Variants in HSF4 observed in about 807,000 individuals in gnomAD.
HSF4 encodes the protein heat shock factor protein 4.
A neutral mutation model predicts 52.0 loss-of-function variants in HSF4; 41 were observed. The observed-to-expected ratio is 0.79, with a 90% CI of 0.61 to 1.02. The LOEUF (loss-of-function observed/expected upper bound fraction) is 1.02. Among genes scored for constraint, HSF4 ranks in the 50% least tolerant of loss-of-function variants. The probability of loss-of-function intolerance (pLI) is 0.00; values close to 1 mark genes in which losing one functional copy is unlikely to be tolerated. For synonymous variants in HSF4, 285 were observed against 273.0 expected (o/e 1.04, Z -0.43); for missense variants, 610 against 651.1 (o/e 0.94, Z 0.69).
At chr16:67,164,723 C>T (rs1597236523), upstream of HSF4, 3 of 1,440,636 alleles carry the variant, frequency 2.1e-6, no homozygotes, top group East Asian at 2.7e-5. Context: ...CGGAGTAGGG[C>T]GGAGCGGGCG....
In HSF4 at chr16:67,167,481, C is replaced by G; in HGVS notation, c.736C>G (p.Pro246Ala). ...CCTAGCCTTCTACTTACAGCCTCTC[C>G]CAGAGACAAATTTGGGCCTTAGCCC... The part of the protein sequence containing the change: ...QDPYFIQSPL[P>A]ETNLGLSPHR... The change falls in exon 8 of 13, where the codon CCA becomes GCA. Residue 246 changes from proline (P) to alanine (A), a missense_variant. Transcript: ENST00000521374. 6.2e-7 allele frequency: 1 copy of G among 1,613,838 alleles called. No individual in the cohort carries two copies. Among genetic ancestry groups the G allele is most frequent in the South Asian group, 1.1e-5 (1 of 91,092 alleles).
chr16:67,164,909 C>G lies in HSF4; in HGVS notation c.98C>G (p.Thr33Arg). The G allele has an allele frequency of 6.2e-7, 1 of 1,608,164 alleles. No homozygotes were observed. The highest frequency in any genetic ancestry group is 1.7e-4 in the Middle Eastern group (1 of 5,834). ...TGGGCGCTGGTGGGGGACCCAGGCA[C>G]AGACCACCTGATCCGCTGGAGCCCG... ...KLWALVGDPG[T>R]DHLIRWSPSG... is the part of the protein sequence containing the mutation. Residue 33 changes from threonine (T) to arginine (R), a missense_variant, in exon 1 of 13, where the codon ACA becomes AGA. By Grantham distance (71) the Thr-to-Arg change is moderately conservative. Transcript: ENST00000521374.
chr16:67,166,979 G>C (rs1379426049), intron 6 of HSF4, 141 bp from the exon 7 acceptor site: 2 of 1,164,318 alleles, frequency 1.7e-6, no homozygotes, highest in Admixed American at 1.9e-5. Flanking sequence ...TCCACCTCCA[G>C]CATGTGACTG....
At chr16:67,167,685 T>C (rs1442816922) in intron 8 of HSF4, 35 bp from the exon 9 acceptor site, 2 of 1,611,932 alleles carry the variant, frequency 1.2e-6, no homozygotes, top group African/African-American at 2.7e-5. Context: ...GAGAAGTCAG[T>C]GCCAGGGTCT....
intron 6 of HSF4, 81 bp from the exon 7 acceptor site, chr16:67,167,039 A>C (rs2031355246): frequency 3.2e-6 from 5 of 1,586,298 alleles, no homozygotes; most frequent in Non-Finnish European, 3.5e-6. Flanking sequence ...CTGGGGCCTG[A>C]GGGAGGGAGG....
chr16:67,166,064 T>A lies in HSF4; in HGVS notation c.479T>A (p.Leu160His). The change falls in exon 4 of 13, where the codon CTC becomes CAC. Residue 160 changes from leucine (L) to histidine (H), a missense_variant. Leu to His is a moderately conservative substitution (Grantham distance 99). Coordinates refer to ENST00000521374, the MANE Select transcript of HSF4 (RefSeq NM_001374675.1). ...QESTEARLRELRQQNEILWRE... is the reference protein window; with the variant it reads ...QESTEARLREHRQQNEILWRE... ...AGCACCGAGGCGCGGCTGCGGGAGC[T>A]CAGGCAGTGCGGGGGCGGGCGGGGA... 1 of 1,463,302 alleles carries A rather than the reference T, an allele frequency of 6.8e-7. No individual in the cohort carries two copies. 90.6% of individuals were successfully genotyped at this position (1,463,302 alleles called of 1,614,324 possible).
chr16:67,166,108 G>T, intron 4 of HSF4, 38 bp downstream of exon 4: 1 of 1,496,484 alleles, frequency 6.7e-7, no homozygotes, highest in Non-Finnish European at 9.0e-7. Flanking sequence ...ACAGGGGTGG[G>T]GGGTTCGGGA....
chr16:67,166,595 C>T lies in HSF4; in HGVS notation c.599C>T (p.Pro200Leu), dbSNP rs751639850. 21 of 1,613,820 alleles carry T rather than the reference C, an allele frequency of 1.3e-5. No individual in the cohort carries two copies. Among genetic ancestry groups the T allele is most frequent in the African/African-American group, 2.7e-5 (2 of 74,876 alleles). Residue 200 changes from proline (P) to leucine (L), a missense_variant, in exon 6 of 13, where the codon CCG becomes CTG. Physicochemically the swap from Pro to Leu is moderately conservative, Grantham distance 98. Transcript: ENST00000521374. ...QCLFGPLQAG[P>L]SNAGGKRKLS... ...CTCTTTGGGCCACTTCAGGCGGGGC[C>T]GAGCAATGCAGGAGGCAAGAGAAAG...
chr16:67,164,625 C>G (rs1041731818), upstream of HSF4: 91 of 605,504 alleles, frequency 1.5e-4, no homozygotes, highest in African/African-American at 1.4e-3. Flanking sequence ...ATCCAGCCAG[C>G]CTTTTCTGCC....
At position 67,169,761 on chromosome 16, in the gene HSF4, C is replaced by A; in HGVS notation, c.1455C>A (p.Gly485=). The part of the protein sequence containing the change: ...TPESRTASYL[G]PEASPSP ...AGAGCCGGACTGCCTCCTACTTGGG[C>A]CCGGAAGCCAGTCCCTCCCCCTAAG... is the stretch of plus-strand genomic sequence containing the variant. The change falls in exon 13 of 13, where the codon GGC becomes GGA. Residue 485 remains glycine, a synonymous_variant. Coordinates refer to ENST00000521374, the MANE Select transcript of HSF4 (RefSeq NM_001374675.1). The surrounding 1 kb of genome is among the most constrained non-coding windows in gnomAD (Gnocchi z 4.3). 1.2e-6 allele frequency: 2 copies of A among 1,613,020 alleles called. No individual in the cohort carries two copies. The highest frequency in any genetic ancestry group is 1.7e-6 in the Non-Finnish European group (2 of 1,179,990).
intron 9 of HSF4, 145 bp from the exon 10 acceptor site, chr16:67,168,685 TG>T (rs1264172763): frequency 7.7e-6 from 5 of 652,736 alleles, no homozygotes; most frequent in Non-Finnish European, 1.3e-5. Flanking sequence ...ATGGCAGGAG[TG>T]GGGAGGTTGG....
In HSF4 at chr16:67,169,506, G is replaced by T. The variant is rs2031591328; in HGVS notation, c.1325-125G>T. 1 of 1,587,344 alleles carries T rather than the reference G, an allele frequency of 6.3e-7. No homozygotes were observed. The highest frequency in any genetic ancestry group is 2.3e-5 in the East Asian group (1 of 44,028). ...CACCCATGCCCTCACCATTGGGCGA[G>T]AGTGGGGAGGTTAAGAATGGATGTT... On this transcript the variant is annotated intron_variant, in intron 12 of 12. Transcript: ENST00000521374. The surrounding 1 kb of genome is among the most constrained non-coding windows in gnomAD (Gnocchi z 4.3).
In HSF4 at chr16:67,165,989, A is replaced by G; in HGVS notation, c.404A>G (p.Asp135Gly). ...RGDDGRWRPE[D>G]LGRLLGEVQA... ...GACGACGGCCGCTGGCGCCCGGAGG[A>G]CCTGGGTCGACTACTGGGCGAGGTG... Residue 135 changes from aspartate to glycine, a missense_variant, in exon 4 of 13, where the codon GAC becomes GGC. Transcript: ENST00000521374. The surrounding 1 kb of genome is among the most constrained non-coding windows in gnomAD (Gnocchi z 6.9). The G allele has an allele frequency of 6.5e-7, 1 of 1,547,238 alleles. No homozygotes were observed. The highest frequency in any genetic ancestry group is 8.7e-7 in the Non-Finnish European group (1 of 1,154,810).
chr16:67,165,524 C>G lies in HSF4; in HGVS notation c.126C>G (p.Ser42Arg), dbSNP rs1567668206. 1 of 1,612,894 alleles carries G rather than the reference C, an allele frequency of 6.2e-7. No homozygotes were observed. The highest frequency in any genetic ancestry group is 1.1e-5 in the South Asian group (1 of 91,082). The part of the protein sequence containing the change: ...GTDHLIRWSP[S>R]GTSFLVSDQS... ...TGGGCGGGCGGCGTTCTTGGTAGAG[C>G]GGGACCAGTTTCCTCGTAAGCGACC... The change falls in exon 2 of 13, where the codon AGC becomes AGG. Residue 42 changes from serine (S) to arginine (R), a missense_variant and splice_region_variant. Transcript: ENST00000521374. The surrounding 1 kb of genome is among the most constrained non-coding windows in gnomAD (Gnocchi z 6.9).
Position 67,165,536 on chromosome 16 carries a change from C to T in HSF4, c.138C>T (p.Phe46=), listed in dbSNP as rs202194207. ...GTTCTTGGTAGAGCGGGACCAGTTT[C>T]CTCGTAAGCGACCAGAGCCGTTTCG... is the stretch of plus-strand genomic sequence containing the variant. ...LIRWSPSGTS[F]LVSDQSRFAK... Residue 46 remains phenylalanine, a synonymous_variant, in exon 2 of 13, where the codon TTC becomes TTT. Transcript: ENST00000521374. The surrounding 1 kb of genome is among the most constrained non-coding windows in gnomAD (Gnocchi z 6.9). The T allele has an allele frequency of 6.7e-5, 108 of 1,612,766 alleles. No individual in the cohort carries two copies. The highest frequency in any genetic ancestry group is 8.6e-5 in the Non-Finnish European group (101 of 1,179,854).
chr16:67,164,089 C>A, upstream of HSF4: 1 of 689,588 alleles, frequency 1.5e-6, no homozygotes, highest in Non-Finnish European at 2.6e-6. Context: ...GACTCTGCAG[C>A]TCCGCGGCCC....
Position 67,165,368 on chromosome 16 carries a change from C to G in HSF4, c.124-154C>G. The G allele has an allele frequency of 1.4e-6, 1 of 722,404 alleles. No individual in the cohort carries two copies. The highest frequency in any genetic ancestry group is 2.4e-6 in the Non-Finnish European group (1 of 418,738). The allele number at this position is 722,404 out of a possible 1,614,324, so 44.7% of individuals were successfully genotyped here. ...GGCTAGGCCTCGGAGCCCGTTCTGG[C>G]CTGGCCTCGACCCATATCCCCGTAA... On this transcript the variant is annotated intron_variant, in intron 1 of 12. Transcript: ENST00000521374. This position sits in a 1 kb window ranked among gnomAD's most constrained non-coding sequence, Gnocchi z 6.9.
rs571898873 is a variant in HSF4 at position 67,165,451 on chromosome 16, C to A, written c.124-71C>A. On this transcript the variant is annotated intron_variant, in intron 1 of 12. Transcript: ENST00000521374. This position sits in a 1 kb window ranked among gnomAD's most constrained non-coding sequence, Gnocchi z 6.9. Reference sequence around the variant, plus strand: ...TGTGTGCGCGCGCTGGAGCGCAGGACTGGCCGTGAGCGGGCACCGCTCACC... The same window carrying A: ...TGTGTGCGCGCGCTGGAGCGCAGGAATGGCCGTGAGCGGGCACCGCTCACC... The A allele has an allele frequency of 2.2e-6, 3 of 1,370,532 alleles. No homozygotes were observed. The highest frequency in any genetic ancestry group is 2.3e-5 in the East Asian group (1 of 43,720). The allele number at this position is 1,370,532 out of a possible 1,614,324, so 84.9% of individuals were successfully genotyped here. A position where few individuals can be genotyped will look rare whatever the true frequency, so the allele number is the denominator to read the frequency against.
In HSF4 at chr16:67,167,116, A is replaced by G; in HGVS notation, c.627-4A>G. The G allele has an allele frequency of 6.2e-7, 1 of 1,613,994 alleles. No homozygotes were observed. Among genetic ancestry groups the G allele is most frequent in the Non-Finnish European group, 8.5e-7 (1 of 1,179,950 alleles). On this transcript the variant is annotated splice_region_variant and splice_polypyrimidine_tract_variant and intron_variant, in intron 6 of 12. Transcript: ENST00000521374. ...CCCTGCCTGTGCCCTGATCGACCAC[A>G]CAGGTCCCTGATGCTGGATGAGGGG...
Sources: gnomAD v4.1 joint callset for allele counts on GRCh38, gnomAD v4.1.1 for gene constraint, Gnocchi (gnomAD v3.1) non-coding constraint, MANE v1.5 for transcripts, NCBI Gene and HGNC (gene_info 2026-07-23, HGNC 2026-07-21) for gene names.